DYNLT3: variants seen among roughly 807,000 people sequenced by gnomAD.
DYNLT3 encodes the protein protein 91/23.
Under a neutral mutation model 11.0 loss-of-function variants are expected in DYNLT3, and 4 were observed. That is an observed-to-expected ratio of 0.36 (90% CI 0.18 to 0.83). The LOEUF (loss-of-function observed/expected upper bound fraction) is 0.83. Among genes scored for constraint, DYNLT3 ranks in the 40% least tolerant of loss-of-function variants. The pLI is 0.47. For synonymous variants in DYNLT3, 37 were observed against 31.2 expected (o/e 1.18, Z -0.61); for missense variants, 91 against 91.1 (o/e 1.00, Z 0.01).
intron 2 of DYNLT3, among the ~76,000 whole-genome samples, chrX:37,844,283 T>A (rs1930226167): frequency 9.4e-6 from 1 of 106,605 alleles, no homozygotes; most frequent in Admixed American, 9.7e-5. Flanking sequence ...GTTTGAAAAA[T>A]CCAGTAGAAC....
chrX:37,842,938 A>G (rs1180146917), intron 2 of DYNLT3, among the ~76,000 whole-genome samples: 1 of 112,164 alleles, frequency 8.9e-6, no homozygotes, highest in East Asian at 2.8e-4. Context: ...ATTTACTATC[A>G]TTAGACTCAT....
intron 2 of DYNLT3, among the ~76,000 whole-genome samples, chrX:37,845,157 G>A (rs1324486334): frequency 9.0e-6 from 1 of 111,724 alleles, no homozygotes; most frequent in African/African-American, 3.3e-5. Flanking sequence ...TCCCTCATTT[G>A]TGCTTTTACA....
intron 2 of DYNLT3, among the ~76,000 whole-genome samples, chrX:37,842,183 T>C: frequency 9.0e-6 from 1 of 111,038 alleles, no homozygotes; most frequent in Non-Finnish European, 1.9e-5. Context: ...TAACTTAATC[T>C]AGCAGAGAAG....
intron 1 of DYNLT3, chrX:37,847,055 T>C (rs1188457593): frequency 8.6e-7 from 1 of 1,164,353 alleles, no homozygotes; most frequent in African/African-American, 1.8e-5. Context: ...GGAGCGGGAA[T>C]GGCAGTGCCA....
intron 2 of DYNLT3, 68 bp downstream of exon 2, chrX:37,846,249 C>A: frequency 9.3e-7 from 1 of 1,073,734 alleles, no homozygotes; most frequent in Non-Finnish European, 1.3e-6. Flanking sequence ...TGCTGAAACT[C>A]AAAATATAGC....
At chrX:37,840,721 TATACACACAC>T in intron 4 of DYNLT3, 70 bp from the exon 5 acceptor site, 3 of 597,584 alleles carry the variant, frequency 5.0e-6, no homozygotes, top group Non-Finnish European at 7.6e-6. Flanking sequence ...TATATATATA[TATACACACAC>T]ACACACACAC....
At chrX:37,841,962 T>G (rs1930173222) in intron 2 of DYNLT3, 57 bp from the exon 3 acceptor site, 3 of 997,414 alleles carry the variant, frequency 3.0e-6, no homozygotes, top group South Asian at 7.7e-5. Flanking sequence ...AAAAGAACAA[T>G]TTTTACACAA....
In DYNLT3 at chrX:37,847,105, C is replaced by T. The variant is rs1192872611; in HGVS notation, c.30+376G>A. The T allele has an allele frequency of 2.6e-6, 3 of 1,161,115 alleles. No homozygotes were observed. The East Asian group carries it at 9.8e-5, about 38-fold the overall frequency. On this transcript the variant is annotated intron_variant, in intron 1 of 4. Coordinates refer to ENST00000378578, the MANE Select transcript of DYNLT3 (RefSeq NM_006520.3). ...CTCCGAGCCATGGGGGCTGCAGCAC[C>T]CGCGCTGAGGAAGCCAAGGGACGGA...
Position 37,840,432 on chromosome X carries a change from AT to A in DYNLT3, c.*142del, listed in dbSNP as rs1930119021. On this transcript the variant is annotated 3_prime_UTR_variant, in exon 5 of 5. Transcript: ENST00000378578. ...CCAATTACTATGATATTGCTTGCTT[AT>A]AATATTCAGTTTTTGTTGATAGCTT... 7.0e-6 allele frequency: 3 copies of A among 426,169 alleles called. No individual in the cohort carries two copies. The highest frequency in any genetic ancestry group is 1.1e-5 in the Non-Finnish European group (3 of 265,426). 35.1% of individuals were successfully genotyped at this position (426,169 alleles called of 1,213,427 possible).
At position 37,847,497 on chromosome X, in the gene DYNLT3, T is replaced by C. The variant is rs1285180572; in HGVS notation, c.14A>G (p.His5Arg). ...GGGCGGTACCTCGTCGCAGTGGCGA[T>C]GGTACTCCTCCATGGTAGCGCCGGC... MEEYHRHCDEVGFNA... is the reference protein window; with the variant it reads MEEYRRHCDEVGFNA... The change falls in exon 1 of 5, where the codon CAT becomes CGT. Residue 5 changes from histidine (H) to arginine (R), a missense_variant. Coordinates refer to ENST00000378578, the MANE Select transcript of DYNLT3 (RefSeq NM_006520.3). The C allele has an allele frequency of 2.0e-6, 2 of 992,931 alleles. No individual in the cohort carries two copies. Among genetic ancestry groups the C allele is most frequent in the Non-Finnish European group, 2.5e-6 (2 of 784,458 alleles). 81.8% of individuals were successfully genotyped at this position (992,931 alleles called of 1,213,427 possible). A position where few individuals can be genotyped will look rare whatever the true frequency, so the allele number is the denominator to read the frequency against.
chrX:37,846,969 G>C, intron 1 of DYNLT3: 1 of 1,155,049 alleles, frequency 8.7e-7, no homozygotes, highest in Non-Finnish European at 1.2e-6. Flanking sequence ...GGTGAGGGTT[G>C]GGAAAGCCTG....
At position 37,840,074 on chromosome X, in the gene DYNLT3, A is replaced by T. The variant is rs1328328713; in HGVS notation, c.*501T>A. On this transcript the variant is annotated 3_prime_UTR_variant, in exon 5 of 5. Transcript: ENST00000378578. Reference sequence around the variant, plus strand: ...CTATACTATTAGTTGATAGAAAATTAAAAAAATTATTACTTTCCACTAAAT... The same window carrying T: ...CTATACTATTAGTTGATAGAAAATTTAAAAAATTATTACTTTCCACTAAAT... 8 of 107,581 alleles carry T rather than the reference A, an allele frequency of 7.4e-5. No individual in the cohort carries two copies. Among genetic ancestry groups the T allele is most frequent in the East Asian group, 5.5e-4 (2 of 3,623 alleles). 8.9% of individuals were successfully genotyped at this position (107,581 alleles called of 1,213,427 possible).
intron 3 of DYNLT3, among the ~76,000 whole-genome samples, chrX:37,841,421 G>T (rs1439598421): frequency 9.0e-6 from 1 of 111,140 alleles, no homozygotes; most frequent in Non-Finnish European, 1.9e-5. Flanking sequence ...TTCAGACACA[G>T]AAATGCAGGA....
intron 2 of DYNLT3, among the ~76,000 whole-genome samples, chrX:37,843,893 T>A (rs747314268): frequency 2.2e-4 from 25 of 111,467 alleles, no homozygotes; most frequent in Admixed American, 5.7e-4. Context: ...TGTTGCTCAT[T>A]CTCAGGCATT....
chrX:37,840,771 C>G (rs1300054435), intron 4 of DYNLT3, 120 bp from the exon 5 acceptor site: 27 of 368,155 alleles, frequency 7.3e-5, no homozygotes, highest in Admixed American at 4.2e-4. Context: ...CACACACACA[C>G]ACACACACAC....
Position 37,839,222 on chromosome X carries a change from A to C in DYNLT3, c.*1353T>G, listed in dbSNP as rs952989814. ...AACGCTAAGCTTATTCCTCTCCAAA[A>C]TTCAATGAGTTATGGTTCCGCTCTC... On this transcript the variant is annotated 3_prime_UTR_variant, in exon 5 of 5. Coordinates refer to ENST00000378578, the MANE Select transcript of DYNLT3 (RefSeq NM_006520.3). The C allele has an allele frequency of 8.9e-6, 1 of 112,038 alleles. No homozygotes were observed. The highest frequency in any genetic ancestry group is 1.9e-5 in the Non-Finnish European group (1 of 53,105). 9.2% of individuals were successfully genotyped at this position (112,038 alleles called of 1,213,427 possible). A position where few individuals can be genotyped will look rare whatever the true frequency, so the allele number is the denominator to read the frequency against.
At chrX:37,840,915 C>G (rs767014473) in intron 4 of DYNLT3, 113 bp downstream of exon 4, 2 of 790,957 alleles carry the variant, frequency 2.5e-6, no homozygotes, top group East Asian at 3.3e-5. Context: ...CAAAGCAATA[C>G]TGTTGATAGT....
rs768723890 is a variant in DYNLT3, at chrX:37,841,075, T to C, written c.227A>G (p.Tyr76Cys). Residue 76 changes from tyrosine to cysteine, a missense_variant, in exon 4 of 5, where the codon TAT (tyrosine) becomes TGT (cysteine). By Grantham distance (194) the Tyr-to-Cys change is radical. Transcript: ENST00000378578. ...VTCAVVQKSA[Y>C]GFHTASSCFW... ...ACAGGAGCTGGCTGTGTGAAAGCCA[T>C]ATGCGCTCTTCTGGACCACTGCACA... 6.4e-5 allele frequency: 77 copies of C among 1,210,701 alleles called. No individual in the cohort carries two copies. The highest frequency in any genetic ancestry group is 8.3e-5 in the Non-Finnish European group (74 of 895,101).
intron 2 of DYNLT3, among the ~76,000 whole-genome samples, chrX:37,844,617 A>T (rs2180518): frequency 0.18 from 20,569 of 111,721 alleles, 3,234 homozygotes; most frequent in African/African-American, 0.53. Flanking sequence ...TGTTTTCTTC[A>T]ACGCAGAGGA....
Sources: gnomAD v4.1 joint callset for allele counts (sites outside exome capture counted in the v4.1 genomes callset) on GRCh38, gnomAD v4.1.1 for gene constraint, MANE v1.5 for transcripts, NCBI Gene and HGNC (gene_info 2026-07-23, HGNC 2026-07-21) for gene names.